Variants in CDC14A observed in about 807,000 individuals in gnomAD.
CDC14A encodes dual specificity protein phosphatase CDC14A.
A neutral mutation model predicts 74.4 loss-of-function variants in CDC14A; 53 were observed. That is an observed-to-expected ratio of 0.71 (90% CI 0.57 to 0.89). The LOEUF (loss-of-function observed/expected upper bound fraction) is 0.89. Among genes scored for constraint, CDC14A ranks in the 40% least tolerant of loss-of-function variants. The pLI, the probability that CDC14A is intolerant of heterozygous loss-of-function variation, is 0.00. For synonymous variants in CDC14A, 247 were observed against 258.4 expected (o/e 0.96, Z 0.43); for missense variants, 646 against 713.7 (o/e 0.91, Z 1.08).
At chr1:100,502,470 G>A (rs370622239) in intron 15 of CDC14A, among the ~76,000 whole-genome samples, 10 of 152,334 alleles carry the variant, frequency 6.6e-5, no homozygotes, top group African/African-American at 2.4e-4. Flanking sequence ...TTTAGCTCAG[G>A]TGTGTAGCAG....
upstream of CDC14A, among the ~76,000 whole-genome samples, chr1:100,351,165 G>C (rs1650938600): frequency 6.6e-6 from 1 of 152,004 alleles, no homozygotes; most frequent in South Asian, 2.1e-4. Flanking sequence ...CCGCACTCCG[G>C]CCTGGGTGAC....
intron 3 of CDC14A, among the ~76,000 whole-genome samples, chr1:100,389,350 T>C (rs1214960051): frequency 6.7e-6 from 1 of 149,578 alleles, no homozygotes; most frequent in Non-Finnish European, 1.5e-5. Context: ...CCCAGCTGCA[T>C]GGGAGGCAAG....
intron 7 of CDC14A, among the ~76,000 whole-genome samples, chr1:100,454,967 G>GA (rs1391801844): frequency 1.3e-5 from 2 of 151,660 alleles, no homozygotes; most frequent in African/African-American, 2.4e-5. Context: ...TATAAAAAGA[G>GA]AAAAAAAATT....
At chr1:100,453,460 A>G (rs1666349446) in intron 7 of CDC14A, among the ~76,000 whole-genome samples, 2 of 152,222 alleles carry the variant, frequency 1.3e-5, no homozygotes. Context: ...AAGCTTAATA[A>G]TTACTTGAGA....
At chr1:100,442,615 C>A (rs1238482077) in intron 6 of CDC14A, among the ~76,000 whole-genome samples, 1 of 151,688 alleles carries the variant, frequency 6.6e-6, no homozygotes, top group Admixed American at 6.6e-5. Context: ...TAGTTCCCAA[C>A]AGGTTCTAAC....
chr1:100,498,200 G>A lies in CDC14A; in HGVS notation c.1414G>A (p.Val472Ile), dbSNP rs773263597. 6.8e-6 allele frequency: 11 copies of A among 1,613,604 alleles called. No homozygotes were observed. Among genetic ancestry groups the A allele is most frequent in the Admixed American group, 5.0e-5 (3 of 59,904 alleles). The change falls in exon 14 of 16, where the codon GTA (valine) becomes ATA (isoleucine). Residue 472 changes from valine (V) to isoleucine (I), a missense_variant. Val to Ile is a conservative substitution (Grantham distance 29). Coordinates refer to ENST00000336454, the MANE Select transcript of CDC14A (RefSeq NM_003672.4). ...NRTSLSSGAT[V>I]RSFSINSRLA... ...AACTTCTTTGTCTTCGGGTGCCACT[G>A]TAAGAAGGTAATTTTTCTCTCCCTC...
At chr1:100,379,387 G>T (rs1331489794) in intron 3 of CDC14A, among the ~76,000 whole-genome samples, 1 of 152,222 alleles carries the variant, frequency 6.6e-6, no homozygotes, top group Non-Finnish European at 1.5e-5. Context: ...TGTCTGGAAT[G>T]ACATATGTAG....
At chr1:100,409,313 T>G (rs895556382) in intron 4 of CDC14A, among the ~76,000 whole-genome samples, 1 of 152,176 alleles carries the variant, frequency 6.6e-6, no homozygotes, top group African/African-American at 2.4e-5. Flanking sequence ...AGATGAGATT[T>G]GGGTGGGGAC....
chr1:100,484,279 G>GT lies in CDC14A; in HGVS notation c.978-7dup, dbSNP rs771758619. On this transcript the variant is annotated splice_polypyrimidine_tract_variant and intron_variant, in intron 10 of 15. Transcript: ENST00000336454. ...TTTTCTTGTCGTTTTGTTTTGTTTT[G>GT]TTTTTTATACAGAAAACAAGCATCG... The GT allele has an allele frequency of 1.5e-5, 22 of 1,446,296 alleles. No homozygotes were observed. The highest frequency in any genetic ancestry group is 1.8e-4 in the Middle Eastern group (1 of 5,502). 89.6% of individuals were successfully genotyped at this position (1,446,296 alleles called of 1,614,324 possible).
chr1:100,449,083 C>G (rs990149112), intron 7 of CDC14A, among the ~76,000 whole-genome samples: 1 of 152,210 alleles, frequency 6.6e-6, no homozygotes, highest in Non-Finnish European at 1.5e-5. Context: ...TCAAGCAATT[C>G]ACAGGTTATC....
chr1:100,450,688 A>G (rs1022417795), intron 7 of CDC14A, among the ~76,000 whole-genome samples: 1 of 152,150 alleles, frequency 6.6e-6, no homozygotes, highest in African/African-American at 2.4e-5. Flanking sequence ...TGTTACACCC[A>G]TTGCTGGTTC....
At chr1:100,420,011 T>C (rs140581394) in intron 4 of CDC14A, among the ~76,000 whole-genome samples, 2,709 of 112,010 alleles carry the variant, frequency 0.024, 110 homozygotes, top group African/African-American at 0.089. Context: ...TATATATATA[T>C]ACATATATAT....
rs1027203015 is a variant in CDC14A, at chr1:100,519,160, A to T, written c.*880A>T. On this transcript the variant is annotated 3_prime_UTR_variant, in exon 16 of 16. Coordinates refer to ENST00000336454, the MANE Select transcript of CDC14A (RefSeq NM_003672.4). ...TTTCAAAAGAGTTCTTAACCCAATT[A>T]GGATATCCTGCTTTGGGTATGAGGT... 6.6e-6 allele frequency: 1 copy of T among 152,070 alleles called. No homozygotes were observed. Among genetic ancestry groups the T allele is most frequent in the African/African-American group, 2.4e-5 (1 of 41,406 alleles). 9.4% of individuals were successfully genotyped at this position (152,070 alleles called of 1,614,324 possible).
In CDC14A at chr1:100,412,735, ATAT is replaced by A. The variant is rs1474503683; in HGVS notation, c.310-11485_310-11483del. On this transcript the variant is annotated intron_variant, in intron 4 of 15. Coordinates refer to ENST00000336454, the MANE Select transcript of CDC14A (RefSeq NM_003672.4). ...ATATATATATATATTTTATATATAT[ATAT>A]TTTATATATATATATTTTATATATA... is the stretch of plus-strand genomic sequence containing the variant. Among the ~76,000 whole-genome samples the A allele has an allele frequency of 2.4e-4, 26 of 110,160 alleles. 2 individuals are homozygous for A. The highest frequency in any genetic ancestry group is 1.2e-3 in the African/African-American group (25 of 20,850). 72.3% of individuals were successfully genotyped at this position (110,160 alleles called of 152,430 possible).
intron 4 of CDC14A, among the ~76,000 whole-genome samples, chr1:100,408,297 T>C (rs1453103452): frequency 2.0e-5 from 3 of 152,262 alleles, no homozygotes; most frequent in African/African-American, 7.2e-5. Context: ...TGTACCACAT[T>C]TTAAATATCC....
intron 2 of CDC14A, among the ~76,000 whole-genome samples, chr1:100,358,921 T>C (rs1652298306): frequency 6.6e-6 from 1 of 152,222 alleles, no homozygotes; most frequent in Admixed American, 6.5e-5. Flanking sequence ...CTTTTGGTTT[T>C]TAAATTTTTA....
intron 8 of CDC14A, among the ~76,000 whole-genome samples, chr1:100,458,529 C>G (rs757304588): frequency 2.6e-4 from 40 of 152,102 alleles, no homozygotes; most frequent in African/African-American, 9.4e-4. Context: ...TAAAATATTG[C>G]TATTTTACTG....
At chr1:100,345,986 C>G (rs1650381163) in intron 1 of CDC14A, among the ~76,000 whole-genome samples, 2 of 152,078 alleles carry the variant, frequency 1.3e-5, no homozygotes, top group Non-Finnish European at 1.5e-5. Context: ...GCCTGGCCAA[C>G]ATAGTGAAAC....
In CDC14A at chr1:100,462,675, C is replaced by G. The variant is rs373986788; in HGVS notation, c.632C>G (p.Ala211Gly). The change falls in exon 9 of 16, where the codon GCC (alanine) becomes GGC (glycine). Residue 211 changes from alanine to glycine, a missense_variant. By Grantham distance (60) the Ala-to-Gly change is moderately conservative. Coordinates refer to ENST00000336454, the MANE Select transcript of CDC14A (RefSeq NM_003672.4). ...ENGYPLHAPE[A>G]YFPYFKKHNV... ...GGTTATCCTCTTCACGCCCCTGAAG[C>G]CTACTTTCCTTATTTCAAAAAGCAT... 24 of 1,614,004 alleles carry G rather than the reference C, an allele frequency of 1.5e-5. No individual in the cohort carries two copies. Among genetic ancestry groups the G allele is most frequent in the African/African-American group, 2.7e-5 (2 of 74,926 alleles).
Sources: gnomAD v4.1 joint callset for allele counts (sites outside exome capture counted in the v4.1 genomes callset) on GRCh38, gnomAD v4.1.1 for gene constraint, MANE v1.5 for transcripts, NCBI Gene and HGNC (gene_info 2026-07-23, HGNC 2026-07-21) for gene names.